LRPPRC: variants seen among roughly 807,000 people sequenced by gnomAD.
The protein encoded by LRPPRC is leucine-rich PPR motif-containing protein, mitochondrial.
In LRPPRC, 120 loss-of-function variants were observed where a neutral mutation model predicts 180.3. The ratio of observed to expected loss-of-function variants is 0.67; its 90% CI spans 0.57 to 0.77. The LOEUF (loss-of-function observed/expected upper bound fraction) is 0.77. Ranked by LOEUF, LRPPRC falls within the 30% of genes least tolerant of loss-of-function variation. LRPPRC has a pLI of 0.00. For synonymous variants in LRPPRC, 723 were observed against 600.0 expected, an observed-to-expected ratio of 1.21 and a Z score of -3.00; for missense variants, 2,012 against 1,657.2, an observed-to-expected ratio of 1.21 and a Z score of -3.72.
intron 29 of LRPPRC, among the ~76,000 whole-genome samples, chr2:43,915,960 A>AC (rs1319807433): frequency 1.3e-5 from 2 of 152,060 alleles, no homozygotes; most frequent in African/African-American, 4.8e-5. Context: ...CAGATGGGAT[A>AC]CCACTAAGTT....
chr2:43,915,352 A>G (rs182674607), intron 29 of LRPPRC, among the ~76,000 whole-genome samples: 294 of 152,086 alleles, frequency 1.9e-3, no homozygotes, highest in African/African-American at 6.8e-3. Context: ...CATAGTGTGT[A>G]CTCAAAGATA....
chr2:43,900,654 C>T (rs1250849082), intron 32 of LRPPRC, among the ~76,000 whole-genome samples: 4 of 151,980 alleles, frequency 2.6e-5, no homozygotes, highest in Non-Finnish European at 4.4e-5. Context: ...AAAACCCCTA[C>T]AAAAACAAAC....
At chr2:43,905,208 A>G (rs1370862146) in intron 31 of LRPPRC, among the ~76,000 whole-genome samples, 1 of 152,252 alleles carries the variant, frequency 6.6e-6, no homozygotes, top group African/African-American at 2.4e-5. Context: ...AATCAATATT[A>G]TAATCATTTG....
intron 11 of LRPPRC, among the ~76,000 whole-genome samples, chr2:43,970,194 A>G (rs577004048): frequency 6.6e-6 from 1 of 152,164 alleles, no homozygotes; most frequent in South Asian, 2.1e-4. Flanking sequence ...TTAGTTCTTC[A>G]TTTTTCCAGT....
chr2:43,894,217 C>A (rs1046292784), intron 36 of LRPPRC, among the ~76,000 whole-genome samples: 1 of 152,116 alleles, frequency 6.6e-6, no homozygotes, highest in African/African-American at 2.4e-5. Context: ...GGAGACTGAA[C>A]TGGTTTCTGA....
chr2:43,906,468 A>C (rs1028552916), intron 30 of LRPPRC, among the ~76,000 whole-genome samples: 1 of 152,228 alleles, frequency 6.6e-6, no homozygotes, highest in Admixed American at 6.5e-5. Flanking sequence ...AAAAAGCAAA[A>C]TGAAACAACA....
At chr2:43,897,425 C>CT (rs1670723839) in intron 34 of LRPPRC, among the ~76,000 whole-genome samples, 2 of 152,140 alleles carry the variant, frequency 1.3e-5, no homozygotes, top group Non-Finnish European at 2.9e-5. Context: ...GAACACTGCT[C>CT]TTTCAAAGCT....
At chr2:43,948,768 A>AT (rs999076620) in intron 16 of LRPPRC, among the ~76,000 whole-genome samples, 9 of 151,626 alleles carry the variant, frequency 5.9e-5, no homozygotes, top group Non-Finnish European at 4.4e-5. Flanking sequence ...ACTTCAATCT[A>AT]TTTTTTTTCC....
At chr2:43,891,275 T>C (rs1670483404) in intron 36 of LRPPRC, among the ~76,000 whole-genome samples, 1 of 152,250 alleles carries the variant, frequency 6.6e-6, no homozygotes, top group African/African-American at 2.4e-5. Context: ...ATTACCTAAT[T>C]TAGTAGTAAC....
At chr2:43,992,277 C>G (rs1203462230) in intron 1 of LRPPRC, among the ~76,000 whole-genome samples, 2 of 151,916 alleles carry the variant, frequency 1.3e-5, no homozygotes, top group Admixed American at 1.3e-4. Flanking sequence ...CATGGCCCAT[C>G]AAAGCCTTAC....
At chr2:43,925,291 G>A (rs1671836920) in intron 26 of LRPPRC, 134 bp from the exon 27 acceptor site, 2 of 711,766 alleles carry the variant, frequency 2.8e-6, no homozygotes, top group East Asian at 2.5e-5. Flanking sequence ...AAGTTAATGG[G>A]CTGAGCACAA....
At chr2:43,954,443 G>T (rs1400364819) in intron 14 of LRPPRC, among the ~76,000 whole-genome samples, 2 of 152,172 alleles carry the variant, frequency 1.3e-5, no homozygotes, top group Non-Finnish European at 2.9e-5. Context: ...AAAAAGCATT[G>T]TAATGTCTAA....
intron 1 of LRPPRC, among the ~76,000 whole-genome samples, chr2:43,982,932 G>GTT (rs397978558): frequency 6.9e-5 from 10 of 145,852 alleles, no homozygotes; most frequent in African/African-American, 1.3e-4. Flanking sequence ...ACGATGCAGG[G>GTT]TTTTTTTTTT....
At chr2:43,939,992 G>T (rs1027168837) in intron 23 of LRPPRC, among the ~76,000 whole-genome samples, 4 of 152,128 alleles carry the variant, frequency 2.6e-5, no homozygotes. Flanking sequence ...GACAGAGGCA[G>T]AAAAAACCCT....
intron 1 of LRPPRC, among the ~76,000 whole-genome samples, chr2:43,982,760 A>G (rs1284379694): frequency 6.6e-6 from 1 of 152,240 alleles, no homozygotes; most frequent in Non-Finnish European, 1.5e-5. Context: ...AACCAAAACA[A>G]GGTAATGACA....
intron 6 of LRPPRC, 106 bp from the exon 7 acceptor site, chr2:43,975,323 T>A: frequency 1.1e-6 from 1 of 901,032 alleles, no homozygotes; most frequent in Non-Finnish European, 1.7e-6. Flanking sequence ...AAGTACCATT[T>A]GGAATTATGA....
rs746600862 is a variant in LRPPRC at position 43,932,123 on chromosome 2, C to CAAAAAAAAAAAAAAAAAAAAAAAA, written c.2736+2043_2736+2066dup. On this transcript the variant is annotated intron_variant, in intron 25 of 37. Transcript: ENST00000260665. Reference sequence around the variant, plus strand: ...TGGCTAACAAAGCAAGACCCTGTCTCAAAAAAAAAAAAAAAAAAAAAAAAA... The same window carrying CAAAAAAAAAAAAAAAAAAAAAAAA: ...TGGCTAACAAAGCAAGACCCTGTCTCAAAAAAAAAAAAAAAAAAAAAAAAAAAAAAAAAAAAAAAAAAAAAAAAA... Among the ~76,000 whole-genome samples the CAAAAAAAAAAAAAAAAAAAAAAAA allele has an allele frequency of 9.6e-5, 2 of 20,846 alleles. 1 individual carries two copies. Among genetic ancestry groups the CAAAAAAAAAAAAAAAAAAAAAAAA allele is most frequent in the Non-Finnish European group, 1.6e-4 (2 of 12,190 alleles). 13.7% of individuals were successfully genotyped at this position (20,846 alleles called of 152,430 possible).
intron 1 of LRPPRC, among the ~76,000 whole-genome samples, chr2:43,991,413 A>T (rs1674775770): frequency 6.6e-6 from 1 of 152,226 alleles, no homozygotes; most frequent in Non-Finnish European, 1.5e-5. Context: ...CTTTAGAAAT[A>T]AAAATCACAC....
chr2:43,993,375 C>G (rs761361416), intron 1 of LRPPRC, among the ~76,000 whole-genome samples: 2 of 152,046 alleles, frequency 1.3e-5, no homozygotes, highest in Non-Finnish European at 2.9e-5. Context: ...CTTCAAGGCA[C>G]TTTTGAAATA....
Sources: allele counts gnomAD v4.1 joint callset (sites outside exome capture counted in the v4.1 genomes callset), GRCh38; gene constraint gnomAD v4.1.1; transcripts MANE v1.5; gene names NCBI Gene and HGNC (gene_info 2026-07-23, HGNC 2026-07-21).